The following SCGB2B2 variants were observed in gnomAD, a reference collection of about 807,000 sequenced individuals.
The protein encoded by SCGB2B2 is secretoglobin family 2B member 2.
SCGB2B2 carries 11 observed loss-of-function variants against 7.6 expected under a neutral mutation model. The ratio of observed to expected loss-of-function variants is 1.45; its 90% CI spans 0.91 to 2.40. The LOEUF is 2.40. SCGB2B2 is among the 30% of genes most tolerant of loss of function. The probability of loss-of-function intolerance (pLI) is 0.00; values close to 1 mark genes in which losing one functional copy is unlikely to be tolerated. For missense variants in SCGB2B2, 104 were observed against 115.4 expected (o/e 0.90, Z 0.45); for synonymous variants, 50 against 48.6 (o/e 1.03, Z -0.12).
intron 1 of SCGB2B2, among the ~76,000 whole-genome samples, chr19:34,630,401 C>T (rs994289580): frequency 2.6e-5 from 4 of 151,648 alleles, no homozygotes; most frequent in South Asian, 4.2e-4. Context: ...TACAATGAAC[C>T]CAAACAAATT....
intron 1 of SCGB2B2, among the ~76,000 whole-genome samples, chr19:34,642,850 A>G (rs1451202806): frequency 1.3e-5 from 2 of 152,150 alleles, no homozygotes; most frequent in Admixed American, 6.5e-5. Flanking sequence ...CAAATAAAAA[A>G]CAATGCAATA....
At chr19:34,669,838 G>A (rs909109296) in intron 1 of SCGB2B2, among the ~76,000 whole-genome samples, 13 of 151,984 alleles carry the variant, frequency 8.6e-5, no homozygotes, top group Admixed American at 2.6e-4. Context: ...TACATTTCCC[G>A]GGGCACACCA....
chr19:34,659,491 A>G, intron 1 of SCGB2B2, among the ~76,000 whole-genome samples: 1 of 152,212 alleles, frequency 6.6e-6, no homozygotes, highest in Non-Finnish European at 1.5e-5. Flanking sequence ...CTATACACCA[A>G]TAATAGACAA....
chr19:34,671,078 G>A (rs1314612315), intron 1 of SCGB2B2, among the ~76,000 whole-genome samples: 7 of 152,100 alleles, frequency 4.6e-5, no homozygotes, highest in Admixed American at 3.3e-4. Context: ...ACCACCCCTG[G>A]CTAAGTTTTG....
At chr19:34,606,837 T>C (rs59637717) in intron 1 of SCGB2B2, among the ~76,000 whole-genome samples, 1,699 of 151,870 alleles carry the variant, frequency 0.011, 16 homozygotes, top group African/African-American at 0.039. Context: ...AAGCATAGTA[T>C]ATTGTACACA....
intron 1 of SCGB2B2, among the ~76,000 whole-genome samples, chr19:34,609,423 A>G (rs1026064981): frequency 2.0e-5 from 3 of 151,942 alleles, no homozygotes; most frequent in Non-Finnish European, 4.4e-5. Context: ...ATTTTTCTTC[A>G]TATTTTCTTC....
intron 1 of SCGB2B2, among the ~76,000 whole-genome samples, chr19:34,673,942 G>GT (rs1182960298): frequency 6.6e-6 from 1 of 152,226 alleles, no homozygotes; most frequent in Non-Finnish European, 1.5e-5. Flanking sequence ...GCATTCACAA[G>GT]TTAGGGGTTT....
chr19:34,634,225 A>G (rs1199677777), intron 1 of SCGB2B2, among the ~76,000 whole-genome samples: 5 of 152,140 alleles, frequency 3.3e-5, no homozygotes, highest in Non-Finnish European at 7.4e-5. Flanking sequence ...AGCTCTATGA[A>G]TCACATGCAG....
At chr19:34,614,701 T>C (rs1048667543) in intron 1 of SCGB2B2, among the ~76,000 whole-genome samples, 1 of 152,240 alleles carries the variant, frequency 6.6e-6, no homozygotes, top group African/African-American at 2.4e-5. Context: ...GGCACTTCAG[T>C]GTTATCTGTA....
chr19:34,630,698 C>T (rs373763180), intron 1 of SCGB2B2, among the ~76,000 whole-genome samples: 5 of 152,098 alleles, frequency 3.3e-5, no homozygotes, highest in African/African-American at 9.7e-5. Context: ...TTGTGGAAGT[C>T]GGTGTGGCGA....
intron 3 of SCGB2B2, 105 bp from the exon 4 acceptor site, chr19:34,593,704 G>A (rs2065359565): frequency 1.1e-6 from 1 of 879,930 alleles, no homozygotes; most frequent in Admixed American, 2.2e-5. Context: ...CCTTGAGTGT[G>A]TCTGCTTGTT....
At chr19:34,611,118 T>C (rs1360974128) in intron 1 of SCGB2B2, among the ~76,000 whole-genome samples, 2 of 152,188 alleles carry the variant, frequency 1.3e-5, no homozygotes, top group African/African-American at 2.4e-5. Flanking sequence ...TATAGTTATT[T>C]GTAGCAGTCT....
At chr19:34,610,722 T>G (rs2065903279) in intron 1 of SCGB2B2, among the ~76,000 whole-genome samples, 1 of 152,014 alleles carries the variant, frequency 6.6e-6, no homozygotes, top group Non-Finnish European at 1.5e-5. Flanking sequence ...GCTAGTATTT[T>G]GTTGAGGATG....
intron 1 of SCGB2B2, among the ~76,000 whole-genome samples, chr19:34,670,647 G>C (rs557837500): frequency 6.6e-6 from 1 of 152,220 alleles, no homozygotes; most frequent in African/African-American, 2.4e-5. Context: ...TCAGATATGT[G>C]GTTTGCCAGT....
chr19:34,639,670 A>T (rs118120590), intron 1 of SCGB2B2, among the ~76,000 whole-genome samples: 2,587 of 152,258 alleles, frequency 0.017, 39 homozygotes, highest in Non-Finnish European at 0.026. Flanking sequence ...ACTTCTGCTC[A>T]AACACCACCA....
intron 1 of SCGB2B2, among the ~76,000 whole-genome samples, chr19:34,613,006 T>A (rs1262429947): frequency 6.6e-6 from 1 of 152,228 alleles, no homozygotes; most frequent in African/African-American, 2.4e-5. Context: ...TAGTTTTATG[T>A]TAAAATCTAC....
intron 1 of SCGB2B2, among the ~76,000 whole-genome samples, chr19:34,643,827 A>T (rs1380154353): frequency 1.3e-5 from 2 of 152,166 alleles, no homozygotes; most frequent in Non-Finnish European, 2.9e-5. Flanking sequence ...TTAAGGAGAA[A>T]AATTGGTAGA....
intron 3 of SCGB2B2, 128 bp downstream of exon 3, chr19:34,594,047 T>A (rs983904693): frequency 1.6e-5 from 12 of 750,946 alleles, no homozygotes; most frequent in African/African-American, 1.0e-4. Context: ...CTTCATCTGA[T>A]TTTGCGCATC....
intron 1 of SCGB2B2, among the ~76,000 whole-genome samples, chr19:34,659,640 G>A (rs1396631063): frequency 6.6e-6 from 1 of 152,154 alleles, no homozygotes; most frequent in Non-Finnish European, 1.5e-5. Context: ...AATAAAAGAG[G>A]ACACAAACAA....
Sources: allele counts gnomAD v4.1 joint callset (sites outside exome capture counted in the v4.1 genomes callset), GRCh38; gene constraint gnomAD v4.1.1; transcripts MANE v1.5; gene names NCBI Gene and HGNC (gene_info 2026-07-23, HGNC 2026-07-21).